KLHL35: variants seen among roughly 807,000 people sequenced by gnomAD.
KLHL35 encodes the protein kelch like family member 35.
Under a neutral mutation model 44.0 loss-of-function variants are expected in KLHL35, and 50 were observed. The ratio of observed to expected loss-of-function variants is 1.14; its 90% CI spans 0.91 to 1.44. The LOEUF is 1.44. Among genes scored for constraint, KLHL35 ranks in the 40% most tolerant of loss-of-function variants. KLHL35 has a pLI of 0.00. For missense variants in KLHL35, 1,049 were observed against 887.8 expected (o/e 1.18, Z -2.31); for synonymous variants, 470 against 410.4 (o/e 1.15, Z -1.76).
At chr11:75,425,324 A>G (rs1948479700) in intron 5 of KLHL35, 69 bp downstream of exon 5, 7 of 1,448,776 alleles carry the variant, frequency 4.8e-6, no homozygotes, top group African/African-American at 2.9e-5. Flanking sequence ...GAAACGCCCA[A>G]TTCTGCGCCT....
intron 1 of KLHL35, among the ~76,000 whole-genome samples, chr11:75,431,321 CAAGT>C: frequency 1.3e-5 from 2 of 152,352 alleles, no homozygotes; most frequent in African/African-American, 4.8e-5. Flanking sequence ...ACGAATTCGA[CAAGT>C]ATTTATTGGG....
intron 3 of KLHL35, among the ~76,000 whole-genome samples, chr11:75,427,351 C>G (rs1388988571): frequency 1.3e-5 from 2 of 152,162 alleles, no homozygotes; most frequent in African/African-American, 2.4e-5. Context: ...TCTGGCCACC[C>G]TGGGGATCTT....
At chr11:75,427,048 G>T (rs550403684) in intron 3 of KLHL35, among the ~76,000 whole-genome samples, 1 of 152,292 alleles carries the variant, frequency 6.6e-6, no homozygotes, top group East Asian at 1.9e-4. Flanking sequence ...TGGGAGCCAG[G>T]ATAGGTAGAG....
chr11:75,429,795 A>G lies in KLHL35; in HGVS notation c.835T>C (p.Phe279Leu). Reference protein sequence around the residue: ...RPLLLEARACFILGREAGALR... With the variant: ...RPLLLEARACLILGREAGALR... ...GCACCGGCCTCGCGGCCCAGGATGA[A>G]GCAGGCGCGAGCCTCGAGCAGCAGC... Residue 279 changes from phenylalanine (F) to leucine (L), a missense_variant, in exon 2 of 7, where the codon TTC becomes CTC. By Grantham distance (22) the Phe-to-Leu change is conservative. Coordinates refer to ENST00000539798, the MANE Select transcript of KLHL35 (RefSeq NM_001039548.3). 1.3e-6 allele frequency: 2 copies of G among 1,511,866 alleles called. No homozygotes were observed. Among genetic ancestry groups the G allele is most frequent in the Non-Finnish European group, 1.8e-6 (2 of 1,136,888 alleles). 93.7% of individuals were successfully genotyped at this position (1,511,866 alleles called of 1,614,324 possible).
At position 75,430,368 on chromosome 11, in the gene KLHL35, C is replaced by G. The variant is rs767323275; in HGVS notation, c.262G>C (p.Ala88Pro). The change falls in exon 2 of 7, where the codon GCT becomes CCT. Residue 88 changes from alanine (A) to proline (P), a missense_variant. Ala to Pro is a conservative substitution (Grantham distance 27). Coordinates refer to ENST00000539798, the MANE Select transcript of KLHL35 (RefSeq NM_001039548.3). ...GPAVVPVVPV[A>P]PEAPGTSPAG... ...GGGCTCGTGCCTGGCGCCTCGGGAG[C>G]TACTGGCACCACTGGCACCACGGCC... 1 of 1,348,882 alleles carries G rather than the reference C, an allele frequency of 7.4e-7. No homozygotes were observed. Among genetic ancestry groups the G allele is most frequent in the Non-Finnish European group, 9.5e-7 (1 of 1,047,990 alleles). 83.6% of individuals were successfully genotyped at this position (1,348,882 alleles called of 1,614,324 possible). A position where few individuals can be genotyped will look rare whatever the true frequency, so the allele number is the denominator to read the frequency against.
At position 75,430,517 on chromosome 11, in the gene KLHL35, C is replaced by T; in HGVS notation, c.113G>A (p.Gly38Asp). The T allele has an allele frequency of 6.9e-7, 1 of 1,446,882 alleles. No homozygotes were observed. The highest frequency in any genetic ancestry group is 1.5e-5 in the African/African-American group (1 of 67,546). 89.6% of individuals were successfully genotyped at this position (1,446,882 alleles called of 1,614,324 possible). Residue 38 changes from glycine (G) to aspartate (D), a missense_variant, in exon 2 of 7, where the codon GGC (glycine) becomes GAC (aspartate). Physicochemically the swap from Gly to Asp is moderately conservative, Grantham distance 94. Coordinates refer to ENST00000539798, the MANE Select transcript of KLHL35 (RefSeq NM_001039548.3). ...LQALNAYRRS[G>D]TLTDVVLRAG... is the part of the protein sequence containing the mutation. ...GCGCAGCACCACGTCGGTGAGGGTG[C>T]CGCTCCGCCGGTAGGCGTTCAGGGC... is the stretch of plus-strand genomic sequence containing the variant.
At chr11:75,429,725 G>C in intron 2 of KLHL35, 24 bp downstream of exon 2, 1 of 1,431,182 alleles carries the variant, frequency 7.0e-7, no homozygotes, top group Non-Finnish European at 9.1e-7. Context: ...CGGAGGGCGG[G>C]AAGCTAGGGG....
intron 1 of KLHL35, among the ~76,000 whole-genome samples, chr11:75,430,852 T>C (rs1404073183): frequency 6.6e-6 from 1 of 152,242 alleles, no homozygotes; most frequent in Non-Finnish European, 1.5e-5. Flanking sequence ...TTTTCGGTTC[T>C]TCAAACTTGC....
chr11:75,429,803 C>G lies in KLHL35; in HGVS notation c.827G>C (p.Arg276Pro). The G allele has an allele frequency of 1.3e-6, 2 of 1,510,950 alleles. No homozygotes were observed. Among genetic ancestry groups the G allele is most frequent in the Non-Finnish European group, 1.8e-6 (2 of 1,136,658 alleles). 93.6% of individuals were successfully genotyped at this position (1,510,950 alleles called of 1,614,324 possible). ...GECRPLLLEA[R>P]ACFILGREAG... Reference sequence around the variant, plus strand: ...CTCGCGGCCCAGGATGAAGCAGGCGCGAGCCTCGAGCAGCAGCGGGCGGCA... The same window carrying G: ...CTCGCGGCCCAGGATGAAGCAGGCGGGAGCCTCGAGCAGCAGCGGGCGGCA... Residue 276 changes from arginine to proline, a missense_variant, in exon 2 of 7, where the codon CGC becomes CCC. Coordinates refer to ENST00000539798, the MANE Select transcript of KLHL35 (RefSeq NM_001039548.3).
At chr11:75,427,633 A>T (rs1479278900) in intron 3 of KLHL35, among the ~76,000 whole-genome samples, 1 of 152,100 alleles carries the variant, frequency 6.6e-6, no homozygotes, top group Non-Finnish European at 1.5e-5. Context: ...GTTCTTTACA[A>T]CATTAAGGTC....
rs537296974 is a variant in KLHL35 at position 75,429,523 on chromosome 11, G to A, written c.881+226C>T. 1.2e-3 allele frequency among the ~76,000 whole-genome samples: 187 copies of A among 152,342 alleles called. 1 individual carries two copies. Among genetic ancestry groups the A allele is most frequent in the African/African-American group, 4.3e-3 (179 of 41,580 alleles). ...TAGAGTAGTAAGTACTCGGAATTAC[G>A]GTTGCATGGGCCAAAGAGAGTGTGC... On this transcript the variant is annotated intron_variant, in intron 2 of 6. Coordinates refer to ENST00000539798, the MANE Select transcript of KLHL35 (RefSeq NM_001039548.3).
chr11:75,425,768 C>G (rs909258388), intron 4 of KLHL35, 187 bp from the exon 5 acceptor site: 3 of 465,222 alleles, frequency 6.4e-6, no homozygotes, highest in African/African-American at 6.1e-5. Context: ...TGCTGTACCT[C>G]CCTGAGCCGG....
chr11:75,428,361 T>G, intron 3 of KLHL35, 81 bp downstream of exon 3: 25 of 1,476,264 alleles, frequency 1.7e-5, no homozygotes, highest in Non-Finnish European at 2.0e-5. Flanking sequence ...TCTCTCCCGA[T>G]TGGAGGGAAA....
chr11:75,431,602 G>A (rs1315825094), intron 1 of KLHL35, among the ~76,000 whole-genome samples: 1 of 152,228 alleles, frequency 6.6e-6, no homozygotes, highest in Non-Finnish European at 1.5e-5. Context: ...TCTCCAGGTA[G>A]CACCGTCAGA....
In KLHL35 at chr11:75,429,936, G is replaced by C. The variant is rs551557850; in HGVS notation, c.694C>G (p.Arg232Gly). 2.1e-6 allele frequency: 3 copies of C among 1,460,132 alleles called. No homozygotes were observed. The highest frequency in any genetic ancestry group is 1.5e-5 in the African/African-American group (1 of 67,516). The allele number at this position is 1,460,132 out of a possible 1,614,324, so 90.4% of individuals were successfully genotyped here. ...TCCAGCAGGCGTCGCAGCTGGCCGC[G>C]GCGGGCCGGCGCGTCGTGGCGCACC... ...RWVRHDAPAR[R>G]GQLRRLLEHV... Residue 232 changes from arginine (R) to glycine (G), a missense_variant, in exon 2 of 7, where the codon CGC (arginine) becomes GGC (glycine). Transcript: ENST00000539798.
Position 75,429,744 on chromosome 11 carries a change from C to T in KLHL35, c.881+5G>A. On this transcript the variant is annotated splice_donor_5th_base_variant and intron_variant, in intron 2 of 6. Coordinates refer to ENST00000539798, the MANE Select transcript of KLHL35 (RefSeq NM_001039548.3). ...GGGCGGGAAGCTAGGGGATGGCGGC[C>T]CTACCTCCGCGGCCGGGTCCGCAGC... is the stretch of plus-strand genomic sequence containing the variant. The T allele has an allele frequency of 1.4e-6, 2 of 1,454,096 alleles. No homozygotes were observed. Among genetic ancestry groups the T allele is most frequent in the South Asian group, 1.4e-5 (1 of 73,382 alleles). The allele number at this position is 1,454,096 out of a possible 1,614,324, so 90.1% of individuals were successfully genotyped here. A position where few individuals can be genotyped will look rare whatever the true frequency, so the allele number is the denominator to read the frequency against.
Position 75,430,511 on chromosome 11 carries a change from A to T in KLHL35, c.119T>A (p.Leu40His), listed in dbSNP as rs1458647199. The T allele has an allele frequency of 2.1e-6, 3 of 1,442,710 alleles. No individual in the cohort carries two copies. The highest frequency in any genetic ancestry group is 2.7e-6 in the Non-Finnish European group (3 of 1,102,108). The allele number at this position is 1,442,710 out of a possible 1,614,324, so 89.4% of individuals were successfully genotyped here. A position where few individuals can be genotyped will look rare whatever the true frequency, so the allele number is the denominator to read the frequency against. The stretch of plus-strand genomic sequence containing the variant: ...GCCGGCGCGCAGCACCACGTCGGTG[A>T]GGGTGCCGCTCCGCCGGTAGGCGTT... ...ALNAYRRSGTLTDVVLRAGGR... is the reference protein window; with the variant it reads ...ALNAYRRSGTHTDVVLRAGGR... The change falls in exon 2 of 7, where the codon CTC (leucine) becomes CAC (histidine). Residue 40 changes from leucine to histidine, a missense_variant. Leu to His is a moderately conservative substitution (Grantham distance 99, BLOSUM62 -3). Transcript: ENST00000539798.
intron 1 of KLHL35, among the ~76,000 whole-genome samples, chr11:75,431,102 G>T (rs551747825): frequency 6.6e-6 from 1 of 152,264 alleles, no homozygotes; most frequent in African/African-American, 2.4e-5. Flanking sequence ...GGAGGGTCCC[G>T]TGACAGGAGC....
At chr11:75,428,660 C>T (rs778525840) in intron 2 of KLHL35, 34 bp from the exon 3 acceptor site, 1 of 1,526,686 alleles carries the variant, frequency 6.6e-7, no homozygotes, top group Non-Finnish European at 8.8e-7. Context: ...CCTGTTGGGC[C>T]GCACCCAAGT....
Sources: allele counts gnomAD v4.1 joint callset (sites outside exome capture counted in the v4.1 genomes callset), GRCh38; gene constraint gnomAD v4.1.1; transcripts MANE v1.5; gene names NCBI Gene and HGNC (gene_info 2026-07-23, HGNC 2026-07-21).